The following NXPH1 variants were observed in gnomAD, a reference collection of about 807,000 sequenced individuals.
NXPH1 encodes the protein neurexophilin-1.
In NXPH1, 5 loss-of-function variants were observed where a neutral mutation model predicts 23.7. That is an observed-to-expected ratio of 0.21 (90% CI 0.11 to 0.44). NXPH1 has a LOEUF of 0.44. Ranked by LOEUF, NXPH1 falls within the 20% of genes least tolerant of loss-of-function variation. The probability of loss-of-function intolerance (pLI) is 0.99; values close to 1 mark genes in which losing one functional copy is unlikely to be tolerated. For missense variants in NXPH1, 324 were observed against 321.6 expected, an observed-to-expected ratio of 1.01 and a Z score of -0.06; for synonymous variants, 144 against 122.2, an observed-to-expected ratio of 1.18 and a Z score of -1.18.
At chr7:8,455,975 G>C (rs1816586505) in intron 2 of NXPH1, among the ~76,000 whole-genome samples, 3 of 152,184 alleles carry the variant, frequency 2.0e-5, no homozygotes, top group Non-Finnish European at 4.4e-5. Flanking sequence ...CCTGATCCTT[G>C]CAAGGTCATT....
intron 2 of NXPH1, among the ~76,000 whole-genome samples, chr7:8,552,677 T>G (rs907054583): frequency 6.6e-6 from 1 of 151,588 alleles, no homozygotes; most frequent in Non-Finnish European, 1.5e-5. Flanking sequence ...GTTTTTCTCT[T>G]GGATGCGAAG....
chr7:8,437,164 C>A (rs1268563075), intron 2 of NXPH1, among the ~76,000 whole-genome samples: 1 of 152,196 alleles, frequency 6.6e-6, no homozygotes, highest in Non-Finnish European at 1.5e-5. Context: ...TCCAAAAGAA[C>A]AGCCTTTCTG....
intron 2 of NXPH1, among the ~76,000 whole-genome samples, chr7:8,663,201 C>G (rs10952123): frequency 1.3e-5 from 2 of 151,348 alleles, no homozygotes; most frequent in African/African-American, 4.9e-5. Context: ...TTCTTACTTG[C>G]AAAAAGAAGG....
At chr7:8,609,146 T>C (rs1018226967) in intron 2 of NXPH1, among the ~76,000 whole-genome samples, 1 of 152,166 alleles carries the variant, frequency 6.6e-6, no homozygotes, top group Non-Finnish European at 1.5e-5. Flanking sequence ...ATATATTAGG[T>C]CCAAAGATAT....
intron 2 of NXPH1, among the ~76,000 whole-genome samples, chr7:8,553,677 T>A: frequency 6.6e-6 from 1 of 151,594 alleles, no homozygotes; most frequent in East Asian, 2.0e-4. Flanking sequence ...TGTCTTTTCC[T>A]TACATCTTCC....
intron 2 of NXPH1, among the ~76,000 whole-genome samples, chr7:8,696,646 A>G (rs1397122139): frequency 1.3e-5 from 2 of 152,084 alleles, no homozygotes; most frequent in African/African-American, 4.8e-5. Flanking sequence ...TTAGGGCTGA[A>G]ATGAGTGTGA....
Position 8,642,621 on chromosome 7 carries a change from A to ATT in NXPH1, c.55-108381_55-108380dup, listed in dbSNP as rs77506200. ...TGGATTTTGTTATTCTAACATTCTA[A>ATT]TTTTTTTGTTGATTTTCTTGGATAT... On this transcript the variant is annotated intron_variant, in intron 2 of 2. Coordinates refer to ENST00000405863, the MANE Select transcript of NXPH1 (RefSeq NM_152745.3). 3.3e-5 allele frequency among the ~76,000 whole-genome samples: 5 copies of ATT among 152,152 alleles called. No homozygotes were observed. In the East Asian group the frequency reaches 9.6e-4, roughly 29 times the overall value.
At chr7:8,741,246 T>A (rs1286115441) in intron 2 of NXPH1, among the ~76,000 whole-genome samples, 4 of 152,182 alleles carry the variant, frequency 2.6e-5, no homozygotes, top group African/African-American at 9.6e-5. Flanking sequence ...AATTTTCTCA[T>A]CCATTATGCA....
At chr7:8,740,661 G>A (rs909708641) in intron 2 of NXPH1, among the ~76,000 whole-genome samples, 1 of 151,792 alleles carries the variant, frequency 6.6e-6, no homozygotes, top group African/African-American at 2.4e-5. Flanking sequence ...CTGAAGCACT[G>A]CTTTGCATGA....
chr7:8,707,425 G>A (rs1779721685), intron 2 of NXPH1, among the ~76,000 whole-genome samples: 1 of 152,062 alleles, frequency 6.6e-6, no homozygotes, highest in Non-Finnish European at 1.5e-5. Flanking sequence ...CATCTAAATA[G>A]TATGTTCCAC....
At chr7:8,665,916 T>G (rs1356038006) in intron 2 of NXPH1, among the ~76,000 whole-genome samples, 5,710 of 30,212 alleles carry the variant, frequency 0.19, 345 homozygotes, top group East Asian at 0.57. Context: ...TTTTTTCTTT[T>G]TCTTTTTTTT....
chr7:8,483,390 G>A (rs891353890), intron 2 of NXPH1, among the ~76,000 whole-genome samples: 2 of 152,024 alleles, frequency 1.3e-5, no homozygotes, highest in African/African-American at 4.8e-5. Flanking sequence ...GAGTAGAGTG[G>A]TGTGATCTTG....
At chr7:8,532,641 G>C (rs562894631) in intron 2 of NXPH1, among the ~76,000 whole-genome samples, 4 of 152,084 alleles carry the variant, frequency 2.6e-5, no homozygotes, top group Middle Eastern at 6.8e-3. Flanking sequence ...GACCTTCCTG[G>C]GGAACTTGTT....
intron 2 of NXPH1, among the ~76,000 whole-genome samples, chr7:8,740,174 C>A (rs1780337259): frequency 1.3e-5 from 2 of 152,176 alleles, no homozygotes; most frequent in Non-Finnish European, 2.9e-5. Flanking sequence ...CCTAACTTGG[C>A]ATAATAGGTC....
intron 2 of NXPH1, among the ~76,000 whole-genome samples, chr7:8,646,602 C>G (rs6977202): frequency 0.61 from 92,332 of 151,864 alleles, 29,420 homozygotes; most frequent in East Asian, 0.83. Flanking sequence ...CAAGTTCAAG[C>G]ATTCTCTTCT....
At chr7:8,634,683 T>G (rs879453824) in intron 2 of NXPH1, among the ~76,000 whole-genome samples, 39,280 of 144,020 alleles carry the variant, frequency 0.27, 6,335 homozygotes, top group African/African-American at 0.35. Context: ...TTTTTTTTTT[T>G]TTTTTTTTTT....
At chr7:8,536,972 T>G (rs955076698) in intron 2 of NXPH1, among the ~76,000 whole-genome samples, 4 of 151,960 alleles carry the variant, frequency 2.6e-5, no homozygotes, top group African/African-American at 9.7e-5. Context: ...TATGAATAGT[T>G]TTAAGTTTGA....
At chr7:8,645,444 A>G (rs2115147031) in intron 2 of NXPH1, among the ~76,000 whole-genome samples, 1 of 152,170 alleles carries the variant, frequency 6.6e-6, no homozygotes, top group East Asian at 1.9e-4. Flanking sequence ...TGTTTATGGT[A>G]TTCAAACTCC....
intron 2 of NXPH1, among the ~76,000 whole-genome samples, chr7:8,612,925 T>A (rs966298427): frequency 2.1e-4 from 32 of 152,072 alleles, no homozygotes; most frequent in African/African-American, 7.7e-4. Context: ...CAGGGGATTC[T>A]ATGCTGCAGT....
Sources: allele counts gnomAD v4.1 joint callset (sites outside exome capture counted in the v4.1 genomes callset), GRCh38; gene constraint gnomAD v4.1.1; transcripts MANE v1.5; gene names NCBI Gene and HGNC (gene_info 2026-07-23, HGNC 2026-07-21).